The following DOCK3 variants were observed in gnomAD, a reference collection of about 807,000 sequenced individuals.
DOCK3 encodes dedicator of cytokinesis protein 3.
DOCK3 carries 60 observed loss-of-function variants against 265.6 expected under a neutral mutation model. That is an observed-to-expected ratio of 0.23 (90% CI 0.18 to 0.28). The LOEUF (loss-of-function observed/expected upper bound fraction) is 0.28, where lower values mean the gene tolerates loss of function less well. Among genes scored for constraint, DOCK3 ranks in the 10% least tolerant of loss-of-function variants. DOCK3 has a pLI of 1.00. For missense variants in DOCK3, 1,981 were observed against 2,594.3 expected (o/e 0.76, Z 5.14); for synonymous variants, 881 against 938.0 (o/e 0.94, Z 1.11).
intron 5 of DOCK3, among the ~76,000 whole-genome samples, chr3:51,047,923 C>T (rs907277258): frequency 3.9e-5 from 6 of 152,050 alleles, no homozygotes; most frequent in East Asian, 1.9e-4. Flanking sequence ...GAGACAAAGA[C>T]GCTAAAAGAA....
intron 1 of DOCK3, among the ~76,000 whole-genome samples, chr3:50,708,916 T>C (rs2036583818): frequency 6.6e-6 from 1 of 152,242 alleles, no homozygotes; most frequent in Non-Finnish European, 1.5e-5. Context: ...TTTTGGTCCT[T>C]CTTTGTGAAG....
chr3:51,037,405 T>G (rs1290387190), intron 5 of DOCK3, among the ~76,000 whole-genome samples: 2 of 152,154 alleles, frequency 1.3e-5, no homozygotes, highest in Non-Finnish European at 2.9e-5. Context: ...TCATAATCAT[T>G]TCCTTGCTCT....
intron 1 of DOCK3, among the ~76,000 whole-genome samples, chr3:50,718,929 G>A (rs1388243348): frequency 5.9e-5 from 9 of 151,694 alleles, no homozygotes; most frequent in Admixed American, 6.6e-5. Flanking sequence ...GACTACAGGC[G>A]CCTGCCACCA....
intron 1 of DOCK3, among the ~76,000 whole-genome samples, chr3:50,776,026 G>C (rs1457050419): frequency 6.6e-6 from 1 of 152,174 alleles, no homozygotes; most frequent in African/African-American, 2.4e-5. Flanking sequence ...TTGCAATTGT[G>C]TGAATTGTGC....
chr3:50,976,813 G>T, intron 5 of DOCK3, among the ~76,000 whole-genome samples: 1 of 148,212 alleles, frequency 6.7e-6, no homozygotes, highest in Non-Finnish European at 1.5e-5. Context: ...CTTGCTTTAT[G>T]AATCTGGGTG....
intron 1 of DOCK3, among the ~76,000 whole-genome samples, chr3:50,724,215 G>A (rs1219925226): frequency 6.6e-6 from 1 of 152,194 alleles, no homozygotes; most frequent in Non-Finnish European, 1.5e-5. Context: ...GAGAGGATGT[G>A]CAGAAATAGG....
intron 2 of DOCK3, chr3:50,787,058 A>T (rs1399033706): frequency 1.4e-6 from 1 of 737,186 alleles, no homozygotes; most frequent in Non-Finnish European, 2.6e-6. Context: ...ATATCCATGG[A>T]CGATCTTGAT....
At chr3:51,230,814 C>A (rs1253132202) in intron 19 of DOCK3, among the ~76,000 whole-genome samples, 1 of 152,228 alleles carries the variant, frequency 6.6e-6, no homozygotes, top group South Asian at 2.1e-4. Context: ...CGCGCCCGAC[C>A]TATGTACCAC....
In DOCK3 at chr3:50,749,791, C is replaced by T. The variant is rs965855516; in HGVS notation, c.38-28884C>T. Among the ~76,000 whole-genome samples the T allele has an allele frequency of 2.6e-5, 4 of 152,204 alleles. No individual in the cohort carries two copies. In the East Asian group the frequency reaches 5.8e-4, roughly 22 times the overall value. Reference sequence around the variant, plus strand: ...GATAAAAAGTCTTGGGCCATTTCTACAAACATCATTTCAGATGCCTTAAGG... The same window carrying T: ...GATAAAAAGTCTTGGGCCATTTCTATAAACATCATTTCAGATGCCTTAAGG... On this transcript the variant is annotated intron_variant, in intron 1 of 52. Transcript: ENST00000266037.
chr3:51,328,229 T>C (rs2109916443), intron 32 of DOCK3, among the ~76,000 whole-genome samples: 1 of 152,316 alleles, frequency 6.6e-6, no homozygotes, highest in East Asian at 1.9e-4. Context: ...TACACTGTTG[T>C]ACTCTCTGCT....
rs9853711 is a variant in DOCK3, at chr3:51,235,316, G to A, written c.1918-1029G>A. On this transcript the variant is annotated intron_variant, in intron 19 of 52. Transcript: ENST00000266037. ...ATATTGAAAATATCAACCAGTAAAC[G>A]AGGTATTAAGAAGTCTGTTGTCTTT... is the stretch of plus-strand genomic sequence containing the variant. 3.8e-3 allele frequency among the ~76,000 whole-genome samples: 578 copies of A among 152,194 alleles called. 3 individuals carry two copies. The highest frequency in any genetic ancestry group is 0.013 in the African/African-American group (551 of 41,530).
At position 51,084,864 on chromosome 3, in the gene DOCK3, C is replaced by T. The variant is rs557300679; in HGVS notation, c.550-4379C>T. On this transcript the variant is annotated intron_variant, in intron 7 of 52. Coordinates refer to ENST00000266037, the MANE Select transcript of DOCK3 (RefSeq NM_004947.5). The stretch of plus-strand genomic sequence containing the variant: ...CTTGAATATGAACTGTTTAAATTCT[C>T]CAATTAAAAAATATAGACTGCCTGA... Among the ~76,000 whole-genome samples the T allele has an allele frequency of 3.3e-5, 5 of 152,116 alleles. No individual in the cohort carries two copies. The South Asian group carries it at 1.0e-3, about 32-fold the overall frequency.
At chr3:50,727,845 A>T (rs1322871083) in intron 1 of DOCK3, among the ~76,000 whole-genome samples, 1 of 152,226 alleles carries the variant, frequency 6.6e-6, no homozygotes, top group Non-Finnish European at 1.5e-5. Flanking sequence ...AAAGAGATAG[A>T]CACATCTATA....
chr3:51,378,699 CAG>C (rs782173402), intron 51 of DOCK3, among the ~76,000 whole-genome samples: 2 of 152,236 alleles, frequency 1.3e-5, no homozygotes, highest in African/African-American at 2.4e-5. Flanking sequence ...GCTGCTTCTG[CAG>C]AGTGGCACCC....
intron 1 of DOCK3, among the ~76,000 whole-genome samples, chr3:50,714,232 A>G (rs2036956083): frequency 6.6e-6 from 1 of 152,152 alleles, no homozygotes; most frequent in African/African-American, 2.4e-5. Context: ...TTTAATAAAA[A>G]CAAACCATGT....
intron 21 of DOCK3, among the ~76,000 whole-genome samples, chr3:51,243,176 G>A (rs2078686478): frequency 6.6e-6 from 1 of 152,184 alleles, no homozygotes; most frequent in Non-Finnish European, 1.5e-5. Flanking sequence ...AGCAAGTCAA[G>A]CCTAGGGGGA....
intron 31 of DOCK3, among the ~76,000 whole-genome samples, chr3:51,314,760 A>T (rs2109638423): frequency 6.6e-6 from 1 of 152,308 alleles, no homozygotes. Context: ...TTGGAAAAGC[A>T]GTTTTGTGAC....
Position 51,090,280 on chromosome 3 carries a change from A to G in DOCK3, c.642A>G (p.Pro214=), listed in dbSNP as rs768460523. The change falls in exon 9 of 53, where the codon CCA becomes CCG. Residue 214 remains proline, a synonymous_variant. Transcript: ENST00000266037. ...RHGETCRMPV[P]HHFFLSLKSF... ...GGGAAACATGTCGGATGCCAGTGCC[A>G]CATCACTTCTTCCTCAGCCTGAAGA... The G allele has an allele frequency of 8.1e-6, 13 of 1,599,926 alleles. No homozygotes were observed. The highest frequency in any genetic ancestry group is 1.1e-5 in the Non-Finnish European group (13 of 1,172,916).
At chr3:51,321,436 A>G (rs2083721500) in intron 32 of DOCK3, among the ~76,000 whole-genome samples, 1 of 152,212 alleles carries the variant, frequency 6.6e-6, no homozygotes, top group Admixed American at 6.5e-5. Context: ...AGAGGATCAC[A>G]ACTCCTAGCC....
Sources: allele counts gnomAD v4.1 joint callset (sites outside exome capture counted in the v4.1 genomes callset), GRCh38; gene constraint gnomAD v4.1.1; transcripts MANE v1.5; gene names NCBI Gene and HGNC (gene_info 2026-07-23, HGNC 2026-07-21).